MAST4: variants seen among roughly 807,000 people sequenced by gnomAD.
The protein encoded by MAST4 is microtubule associated serine/threonine kinase family member 4.
In MAST4, 89 loss-of-function variants were observed where a neutral mutation model predicts 162.7. That is an observed-to-expected ratio of 0.55 (90% CI 0.46 to 0.65). The LOEUF (loss-of-function observed/expected upper bound fraction) is 0.65, where lower values mean the gene tolerates loss of function less well. Ranked by LOEUF, MAST4 falls within the 30% of genes least tolerant of loss-of-function variation. The pLI is 0.00. For synonymous variants in MAST4, 1,479 were observed against 1,361.1 expected, an observed-to-expected ratio of 1.09 and a Z score of -1.91; for missense variants, 3,153 against 3,374.0, an observed-to-expected ratio of 0.93 and a Z score of 1.62.
At chr5:67,111,617 C>T (rs999594490) in intron 11 of MAST4, among the ~76,000 whole-genome samples, 6 of 152,156 alleles carry the variant, frequency 3.9e-5, no homozygotes, top group Non-Finnish European at 7.4e-5. Context: ...TTTTTACTGC[C>T]TCTCCTGTTG....
intron 4 of MAST4, among the ~76,000 whole-genome samples, chr5:67,052,105 A>G (rs1388363857): frequency 2.6e-5 from 4 of 152,172 alleles, no homozygotes; most frequent in Non-Finnish European, 4.4e-5. Context: ...TACCTTAAAT[A>G]TGGTAAACTG....
intron 4 of MAST4, among the ~76,000 whole-genome samples, chr5:67,026,900 A>G (rs1454371538): frequency 6.6e-6 from 1 of 152,160 alleles, no homozygotes; most frequent in Non-Finnish European, 1.5e-5. Context: ...TTCTTAATGC[A>G]GATGAAAGAG....
intron 4 of MAST4, among the ~76,000 whole-genome samples, chr5:66,913,106 C>G (rs1190257263): frequency 6.6e-6 from 1 of 152,162 alleles, no homozygotes; most frequent in Non-Finnish European, 1.5e-5. Flanking sequence ...GCATTTCTCT[C>G]TTAAAAAAGT....
chr5:66,897,309 C>T (rs1762746933), intron 3 of MAST4, among the ~76,000 whole-genome samples: 1 of 152,142 alleles, frequency 6.6e-6, no homozygotes, highest in African/African-American at 2.4e-5. Context: ...GTGTTAGTGA[C>T]CTTATCCTGA....
chr5:66,922,306 C>G (rs914980842), intron 4 of MAST4, among the ~76,000 whole-genome samples: 2 of 152,204 alleles, frequency 1.3e-5, no homozygotes, highest in Non-Finnish European at 2.9e-5. Context: ...TGGGATGAAG[C>G]CATTGGGTCA....
chr5:66,956,471 G>A lies in MAST4; in HGVS notation c.674+56489G>A, dbSNP rs550774789. ...TACAAAATTTTGATATTTTACGACC[G>A]CAGTTCCCCCTTTATTCACCAATTG... On this transcript the variant is annotated intron_variant, in intron 4 of 28. Transcript: ENST00000403625. 6.6e-5 allele frequency among the ~76,000 whole-genome samples: 10 copies of A among 152,180 alleles called. No homozygotes were observed. The East Asian group carries it at 7.7e-4, about 12-fold the overall frequency.
chr5:66,893,400 C>CT (rs1316663799), intron 3 of MAST4, among the ~76,000 whole-genome samples: 6 of 138,164 alleles, frequency 4.3e-5, no homozygotes, highest in African/African-American at 1.1e-4. Flanking sequence ...GTGTGTGTGT[C>CT]TTTTTTTTGG....
At chr5:66,640,152 A>G (rs1000080004) in intron 1 of MAST4, among the ~76,000 whole-genome samples, 1 of 152,112 alleles carries the variant, frequency 6.6e-6, no homozygotes, top group African/African-American at 2.4e-5. Flanking sequence ...GATTCCACAT[A>G]TGAGATAATG....
intron 2 of MAST4, among the ~76,000 whole-genome samples, chr5:66,786,902 C>T (rs963660562): frequency 2.0e-5 from 3 of 152,044 alleles, no homozygotes; most frequent in Non-Finnish European, 2.9e-5. Flanking sequence ...TGGAAAAAAT[C>T]AATCTATTAT....
chr5:66,607,726 T>C (rs1467854999), intron 1 of MAST4, among the ~76,000 whole-genome samples: 4 of 152,198 alleles, frequency 2.6e-5, no homozygotes, highest in African/African-American at 9.7e-5. Flanking sequence ...GCATCTCTGA[T>C]CCTCATCTGT....
chr5:67,162,912 A>G, intron 28 of MAST4, 124 bp downstream of exon 28: 1 of 1,081,466 alleles, frequency 9.2e-7, no homozygotes, highest in Non-Finnish European at 1.3e-6. Flanking sequence ...TTATAAAGAC[A>G]GATTTATAGA....
At position 66,773,106 on chromosome 5, in the gene MAST4, GT is replaced by G. The variant is rs199563637; in HGVS notation, c.517+13251del. On this transcript the variant is annotated intron_variant, in intron 2 of 28. Coordinates refer to ENST00000403625, the MANE Select transcript of MAST4 (RefSeq NM_001164664.2). ...AATCAAAGCCACTGGGAATGTAGAA[GT>G]TTTTTTAACTTCCCAGTTGGAAACT... 4.8e-4 allele frequency among the ~76,000 whole-genome samples: 73 copies of G among 152,270 alleles called. 1 individual carries two copies. In the East Asian group the frequency reaches 0.013, roughly 27 times the overall value.
intron 4 of MAST4, among the ~76,000 whole-genome samples, chr5:66,928,794 T>A (rs1022025365): frequency 1.3e-5 from 2 of 152,192 alleles, no homozygotes; most frequent in Non-Finnish European, 2.9e-5. Flanking sequence ...TCTGGAAAGA[T>A]GCAGAGGGAC....
chr5:67,114,254 C>T, intron 12 of MAST4, 35 bp downstream of exon 12: 1 of 1,589,976 alleles, frequency 6.3e-7, no homozygotes, highest in South Asian at 1.2e-5. Flanking sequence ...TTTGACTTTG[C>T]TTATGCACTG....
chr5:66,844,472 G>C (rs1420670714), intron 3 of MAST4, among the ~76,000 whole-genome samples: 1 of 151,982 alleles, frequency 6.6e-6, no homozygotes, highest in Non-Finnish European at 1.5e-5. Context: ...TGTGATCTAC[G>C]GGAAGTGTTT....
intron 1 of MAST4, among the ~76,000 whole-genome samples, chr5:66,641,810 A>C (rs1745504098): frequency 6.6e-6 from 1 of 152,238 alleles, no homozygotes; most frequent in South Asian, 2.1e-4. Flanking sequence ...CAGTATATTA[A>C]AATCTATAAC....
In MAST4 at chr5:66,993,927, C is replaced by CCG. The variant is rs1359281032; in HGVS notation, c.675-60476_675-60475insGC. Among the ~76,000 whole-genome samples the CCG allele has an allele frequency of 1.2e-3, 100 of 85,210 alleles. 4 individuals carry two copies. Among genetic ancestry groups the CCG allele is most frequent in the African/African-American group, 4.0e-3 (94 of 23,410 alleles). The allele number at this position is 85,210 out of a possible 152,430, so 55.9% of individuals were successfully genotyped here. ...TCAATGGGTGTGCAGAAGACCCCCC[C>CCG]CCCCACCCCACCAAATCTGCATTTC... On this transcript the variant is annotated intron_variant, in intron 4 of 28. Coordinates refer to ENST00000403625, the MANE Select transcript of MAST4 (RefSeq NM_001164664.2).
intron 3 of MAST4, 97 bp downstream of exon 3, chr5:66,788,891 A>G (rs1362432424): frequency 2.2e-6 from 3 of 1,371,470 alleles, no homozygotes; most frequent in African/African-American, 3.0e-5. Context: ...AAACTTACCC[A>G]CATGTGACGT....
chr5:67,149,072 G>T (rs1466539499), intron 23 of MAST4, among the ~76,000 whole-genome samples: 1 of 152,080 alleles, frequency 6.6e-6, no homozygotes, highest in Non-Finnish European at 1.5e-5. Flanking sequence ...AATTATCTCT[G>T]CAAGGTTTCA....
Sources: gnomAD v4.1 joint callset for allele counts (sites outside exome capture counted in the v4.1 genomes callset) on GRCh38, gnomAD v4.1.1 for gene constraint, MANE v1.5 for transcripts, NCBI Gene and HGNC (gene_info 2026-07-23, HGNC 2026-07-21) for gene names.